Variants in FAM178B observed in about 807,000 individuals in gnomAD.
FAM178B encodes the protein family with sequence similarity 178 member B.
FAM178B carries 82 observed loss-of-function variants against 91.7 expected under a neutral mutation model. The ratio of observed to expected loss-of-function variants is 0.89; its 90% CI spans 0.75 to 1.07. FAM178B has a LOEUF of 1.07. Ranked by LOEUF, FAM178B falls within the 50% of genes least tolerant of loss-of-function variation. FAM178B has a pLI of 0.00. For synonymous variants in FAM178B, 368 were observed against 359.4 expected, an observed-to-expected ratio of 1.02 and a Z score of -0.27; for missense variants, 769 against 846.7, an observed-to-expected ratio of 0.91 and a Z score of 1.14.
intron 14 of FAM178B, among the ~76,000 whole-genome samples, chr2:96,889,496 T>C (rs1462381683): frequency 6.6e-6 from 1 of 151,810 alleles, no homozygotes; most frequent in East Asian, 2.0e-4. Context: ...CCGGCCAACA[T>C]GGTGAAACCC....
intron 12 of FAM178B, among the ~76,000 whole-genome samples, chr2:96,912,719 C>T (rs1194986429): frequency 1.3e-5 from 2 of 152,244 alleles, no homozygotes; most frequent in African/African-American, 4.8e-5. Context: ...CACCTTCACG[C>T]TGCTGTCTGC....
At chr2:96,919,266 A>G (rs544933218) in intron 12 of FAM178B, among the ~76,000 whole-genome samples, 1 of 152,308 alleles carries the variant, frequency 6.6e-6, no homozygotes, top group Admixed American at 6.5e-5. Context: ...AGCAAATGAG[A>G]AACTGGCTGG....
intron 12 of FAM178B, among the ~76,000 whole-genome samples, chr2:96,909,918 G>T (rs1042761055): frequency 1.6e-4 from 24 of 152,186 alleles, no homozygotes; most frequent in African/African-American, 5.6e-4. Context: ...GACAGGGCCT[G>T]CCCTCTGGGC....
rs1192530821 is a variant in FAM178B, at chr2:96,905,814, GTGTGTATATATATA to G, written c.1563-3121_1563-3108del. On this transcript the variant is annotated intron_variant, in intron 12 of 16. Coordinates refer to ENST00000490605, the MANE Select transcript of FAM178B (RefSeq NM_001122646.3). ...TATATACACAAAAATATACATATATGTGTGTATATATATATATATATATATATATATATATATAT... is the reference window on the plus strand; with the variant it reads ...TATATACACAAAAATATACATATATGTATATATATATATATATATATATAT... Among the ~76,000 whole-genome samples, 47 of 34,482 alleles carry G rather than the reference GTGTGTATATATATA, an allele frequency of 1.4e-3. No individual in the cohort carries two copies. The East Asian group carries it at 0.031, about 22-fold the overall frequency. The allele number at this position is 34,482 out of a possible 152,430, so 22.6% of individuals were successfully genotyped here. A position where few individuals can be genotyped will look rare whatever the true frequency, so the allele number is the denominator to read the frequency against.
intron 1 of FAM178B, among the ~76,000 whole-genome samples, chr2:96,983,409 C>G (rs540709594): frequency 6.6e-6 from 1 of 152,226 alleles, no homozygotes; most frequent in East Asian, 1.9e-4. Context: ...TTTGCCTGTT[C>G]TTGAACTTCA....
intron 14 of FAM178B, among the ~76,000 whole-genome samples, chr2:96,888,885 C>A (rs551644283): frequency 1.2e-4 from 19 of 152,184 alleles, no homozygotes; most frequent in Non-Finnish European, 2.5e-4. Flanking sequence ...CTGGAGCACA[C>A]CCCCCCTCCC....
At chr2:96,973,792 G>A (rs1193474614) in intron 1 of FAM178B, among the ~76,000 whole-genome samples, 2 of 151,358 alleles carry the variant, frequency 1.3e-5, no homozygotes, top group Non-Finnish European at 2.9e-5. Context: ...TCTGAGGTCA[G>A]AGTTCGAGAC....
chr2:96,877,461 G>T (rs1222550725), intron 16 of FAM178B, among the ~76,000 whole-genome samples: 2 of 149,488 alleles, frequency 1.3e-5, no homozygotes, highest in African/African-American at 5.0e-5. Context: ...GGCGTGCAAT[G>T]GCACGATCTG....
Position 96,921,171 on chromosome 2 carries a change from C to T in FAM178B, c.1556G>A (p.Arg519Gln), listed in dbSNP as rs1055503041. The change falls in exon 12 of 17, where the codon CGG becomes CAG. Residue 519 changes from arginine (R) to glutamine (Q), a missense_variant. By Grantham distance (43) the Arg-to-Gln change is conservative. Coordinates refer to ENST00000490605, the MANE Select transcript of FAM178B (RefSeq NM_001122646.3). The part of the protein sequence containing the change: ...LVQFFPDMTS[R>Q]SRRLRSQLSL... ...GCGGGGGAGCAGCACGCACCTGCTC[C>T]GGGAGGTCATGTCTGGGAAGAACTG... The T allele has an allele frequency of 1.1e-5, 17 of 1,551,188 alleles. No individual in the cohort carries two copies. The highest frequency in any genetic ancestry group is 2.0e-5 in the Admixed American group (1 of 50,950).
chr2:96,971,339 C>G (rs1251611109), intron 3 of FAM178B, among the ~76,000 whole-genome samples: 1 of 148,248 alleles, frequency 6.7e-6, no homozygotes, highest in African/African-American at 2.5e-5. Flanking sequence ...TCCCTTGTGT[C>G]TCTGTCTGTC....
At chr2:96,905,850 ATATATATATATTTTTTTTTTTTTTTT>A (rs2081037932) in intron 12 of FAM178B, among the ~76,000 whole-genome samples, 1 of 25,616 alleles carries the variant, frequency 3.9e-5, no homozygotes, top group African/African-American at 2.0e-4. Context: ...ATATATATAT[ATATATATATATTTTTTTTTTTTTTTT>A]TTTTTTTTTT....
chr2:96,933,079 C>G (rs2081568103), intron 8 of FAM178B, among the ~76,000 whole-genome samples: 1 of 148,030 alleles, frequency 6.8e-6, no homozygotes. Flanking sequence ...CCGGTCTCTA[C>G]TAAAAATACA....
chr2:96,912,566 G>A (rs1403056114), intron 12 of FAM178B, among the ~76,000 whole-genome samples: 2 of 152,132 alleles, frequency 1.3e-5, no homozygotes, highest in Non-Finnish European at 1.5e-5. Context: ...TGGTGACGGA[G>A]CAGCTTGGCT....
At chr2:96,899,157 T>C (rs1004178558) in intron 13 of FAM178B, among the ~76,000 whole-genome samples, 1 of 152,226 alleles carries the variant, frequency 6.6e-6, no homozygotes, top group Admixed American at 6.5e-5. Context: ...GGCAGGCCCC[T>C]GCCAGTCCTT....
chr2:96,985,649 A>G (rs2082413554), intron 1 of FAM178B, among the ~76,000 whole-genome samples: 1 of 152,232 alleles, frequency 6.6e-6, no homozygotes, highest in Non-Finnish European at 1.5e-5. Context: ...TCAGAATATT[A>G]CAATGGTGCT....
At chr2:96,940,015 T>C (rs1026291262) in intron 8 of FAM178B, among the ~76,000 whole-genome samples, 4 of 152,340 alleles carry the variant, frequency 2.6e-5, no homozygotes, top group South Asian at 2.1e-4. Flanking sequence ...GAAAGGACTA[T>C]GCCAAGCACA....
intron 8 of FAM178B, among the ~76,000 whole-genome samples, chr2:96,946,368 A>G (rs2081828042): frequency 6.6e-6 from 1 of 152,202 alleles, no homozygotes; most frequent in African/African-American, 2.4e-5. Flanking sequence ...GCTGCTAAGA[A>G]CCTGGGTACG....
chr2:96,980,805 T>A (rs1300873706), intron 1 of FAM178B, among the ~76,000 whole-genome samples: 1 of 152,166 alleles, frequency 6.6e-6, no homozygotes, highest in East Asian at 1.9e-4. Flanking sequence ...TTTTACATTT[T>A]AAATTTTTGT....
At chr2:96,960,191 A>C in intron 6 of FAM178B, 97 bp downstream of exon 6, 8 of 1,391,796 alleles carry the variant, frequency 5.7e-6, no homozygotes, top group Non-Finnish European at 7.7e-6. Context: ...CACCTCTTCG[A>C]ACTTCCCCCT....
Sources: allele counts gnomAD v4.1 joint callset (sites outside exome capture counted in the v4.1 genomes callset), GRCh38; gene constraint gnomAD v4.1.1; transcripts MANE v1.5; gene names NCBI Gene and HGNC (gene_info 2026-07-23, HGNC 2026-07-21).